UBR3: variants seen among roughly 807,000 people sequenced by gnomAD.
UBR3 encodes E3 ubiquitin-protein ligase UBR3.
In UBR3, 85 loss-of-function variants were observed where a neutral mutation model predicts 243.2. The ratio of observed to expected loss-of-function variants is 0.35; its 90% CI spans 0.29 to 0.42. UBR3 has a LOEUF of 0.42. Among genes scored for constraint, UBR3 ranks in the 10% least tolerant of loss-of-function variants. UBR3 has a pLI of 1.00. For synonymous variants in UBR3, 748 were observed against 799.8 expected, an observed-to-expected ratio of 0.94 and a Z score of 1.09; for missense variants, 1,686 against 2,300.8, an observed-to-expected ratio of 0.73 and a Z score of 5.47.
chr2:170,079,280 G>A (rs1406381162), intron 36 of UBR3, among the ~76,000 whole-genome samples: 2 of 152,052 alleles, frequency 1.3e-5, no homozygotes, highest in Non-Finnish European at 2.9e-5. Context: ...CAGCACTTAT[G>A]GATATAAAAG....
chr2:169,840,798 T>C (rs767025872), intron 1 of UBR3, among the ~76,000 whole-genome samples: 2 of 152,130 alleles, frequency 1.3e-5, no homozygotes, highest in Non-Finnish European at 2.9e-5. Context: ...ATGTGGACAC[T>C]GGGAAGGCTG....
At chr2:169,895,816 C>G (rs955398555) in intron 7 of UBR3, among the ~76,000 whole-genome samples, 3 of 152,030 alleles carry the variant, frequency 2.0e-5, no homozygotes, top group African/African-American at 7.2e-5. Context: ...GGGTCAGAAC[C>G]CACCTGTTAC....
intron 31 of UBR3, among the ~76,000 whole-genome samples, chr2:170,039,404 T>C (rs1184634797): frequency 6.6e-6 from 1 of 152,104 alleles, no homozygotes; most frequent in Non-Finnish European, 1.5e-5. Flanking sequence ...TTTTAGACCT[T>C]GGCCTTGCAG....
chr2:169,875,478 A>C (rs2083573693), intron 2 of UBR3, among the ~76,000 whole-genome samples: 1 of 152,008 alleles, frequency 6.6e-6, no homozygotes, highest in South Asian at 2.1e-4. Flanking sequence ...ACAGGCGCGC[A>C]CCACCACACT....
intron 9 of UBR3, 88 bp from the exon 10 acceptor site, chr2:169,905,943 G>A (rs1403908468): frequency 1.0e-5 from 14 of 1,398,108 alleles, no homozygotes; most frequent in Non-Finnish European, 3.8e-6. Flanking sequence ...GTGCATAAAT[G>A]TGTTTGGGAC....
intron 35 of UBR3, among the ~76,000 whole-genome samples, chr2:170,070,628 A>G (rs938282127): frequency 6.6e-6 from 1 of 152,174 alleles, no homozygotes; most frequent in Non-Finnish European, 1.5e-5. Flanking sequence ...AAGTTCAGCA[A>G]GGTTGTAGGA....
intron 1 of UBR3, among the ~76,000 whole-genome samples, chr2:169,844,695 C>G (rs2082409664): frequency 6.6e-6 from 1 of 152,018 alleles, no homozygotes; most frequent in Admixed American, 6.6e-5. Flanking sequence ...TGGCATTTCA[C>G]CATGTTGGCC....
intron 23 of UBR3, among the ~76,000 whole-genome samples, chr2:169,952,462 C>T (rs753144667): frequency 4.6e-5 from 7 of 152,002 alleles, no homozygotes; most frequent in Non-Finnish European, 7.4e-5. Context: ...GTTGGGAGGC[C>T]GAGGTGAGTG....
chr2:169,927,280 G>A lies in UBR3; in HGVS notation c.2339-40G>A. ...GTAAGTTTTTTTCTTTATAATTTAT[G>A]TATACTCAGATTTGTTAATTCCGTT... On this transcript the variant is annotated intron_variant, in intron 16 of 38. Coordinates refer to ENST00000272793, the MANE Select transcript of UBR3 (RefSeq NM_172070.4). 4.7e-6 allele frequency: 7 copies of A among 1,489,964 alleles called. No homozygotes were observed. The South Asian group carries it at 7.6e-5, about 16-fold the overall frequency. 92.3% of individuals were successfully genotyped at this position (1,489,964 alleles called of 1,614,324 possible).
chr2:169,836,649 ACC>A (rs917775698), intron 1 of UBR3, among the ~76,000 whole-genome samples: 8 of 151,718 alleles, frequency 5.3e-5, no homozygotes, highest in Admixed American at 6.6e-5. Context: ...AAAAAAAAAA[ACC>A]AAAAGACACT....
chr2:169,827,897 C>G lies in UBR3; in HGVS notation c.390C>G (p.Ala130=). The G allele has an allele frequency of 6.6e-7, 1 of 1,519,108 alleles. No individual in the cohort carries two copies. Among genetic ancestry groups the G allele is most frequent in the Non-Finnish European group, 8.8e-7 (1 of 1,136,900 alleles). The allele number at this position is 1,519,108 out of a possible 1,614,324, so 94.1% of individuals were successfully genotyped here. The change falls in exon 1 of 39, where the codon GCC becomes GCG. Residue 130 remains alanine, a synonymous_variant. Coordinates refer to ENST00000272793, the MANE Select transcript of UBR3 (RefSeq NM_172070.4). ...CGLVWTANFV[A]YRCRTCGISP... ...TGGTCTGGACAGCCAACTTCGTGGC[C>G]TACCGCTGCCGGACGTGCGGCATCT...
At chr2:169,882,948 G>T (rs1012057029) in intron 5 of UBR3, among the ~76,000 whole-genome samples, 2 of 152,124 alleles carry the variant, frequency 1.3e-5, no homozygotes, top group Non-Finnish European at 2.9e-5. Context: ...TCTAGTTAGT[G>T]GTAGAGTTGA....
intron 35 of UBR3, among the ~76,000 whole-genome samples, chr2:170,061,720 G>A (rs544641381): frequency 1.3e-5 from 2 of 151,976 alleles, no homozygotes; most frequent in East Asian, 1.9e-4. Flanking sequence ...TACCTGCCTC[G>A]GCCTCCCAAA....
chr2:170,056,040 G>T (rs1446470537), intron 33 of UBR3, among the ~76,000 whole-genome samples: 37 of 108,474 alleles, frequency 3.4e-4, no homozygotes, highest in Non-Finnish European at 5.2e-4. Flanking sequence ...CAGACTCTCT[G>T]TCTGTCACCT....
chr2:169,972,420 C>G (rs957814694), intron 24 of UBR3, among the ~76,000 whole-genome samples: 7 of 151,976 alleles, frequency 4.6e-5, no homozygotes, highest in Non-Finnish European at 8.8e-5. Context: ...TTTATGAGGC[C>G]AGCATCATTC....
chr2:169,901,556 ACTTT>A (rs1475760090), intron 8 of UBR3, among the ~76,000 whole-genome samples: 5 of 152,168 alleles, frequency 3.3e-5, no homozygotes, highest in Non-Finnish European at 5.9e-5. Flanking sequence ...GGATCTCTGT[ACTTT>A]CTTTTTATTT....
rs1559021179 is a variant in UBR3, at chr2:169,852,876, AAAC to A, written c.546-19357_546-19355del. 2.2e-3 allele frequency among the ~76,000 whole-genome samples: 175 copies of A among 80,186 alleles called. 12 individuals are homozygous for A. The highest frequency in any genetic ancestry group is 3.7e-3 in the Non-Finnish European group (102 of 27,632). 52.6% of individuals were successfully genotyped at this position (80,186 alleles called of 152,430 possible). A position where few individuals can be genotyped will look rare whatever the true frequency, so the allele number is the denominator to read the frequency against. On this transcript the variant is annotated intron_variant, in intron 1 of 38. Transcript: ENST00000272793. Reference sequence around the variant, plus strand: ...AAAAAAAAAAAAAAAAAAAAAAAAAAAACAAAACCAAACAAATTGAGTCCTTTA... The same window carrying A: ...AAAAAAAAAAAAAAAAAAAAAAAAAAAAAACCAAACAAATTGAGTCCTTTA...
At chr2:170,017,558 C>G (rs967159146) in intron 30 of UBR3, among the ~76,000 whole-genome samples, 107 of 137,844 alleles carry the variant, frequency 7.8e-4, no homozygotes, top group African/African-American at 3.1e-3. Flanking sequence ...CACACACACA[C>G]ACACACACAC....
chr2:169,884,879 A>G (rs1471856763), intron 5 of UBR3, among the ~76,000 whole-genome samples: 3 of 152,226 alleles, frequency 2.0e-5, no homozygotes, highest in Non-Finnish European at 4.4e-5. Flanking sequence ...AAATGCAATA[A>G]TTATTATAGA....
Sources: gnomAD v4.1 joint callset for allele counts (sites outside exome capture counted in the v4.1 genomes callset) on GRCh38, gnomAD v4.1.1 for gene constraint, MANE v1.5 for transcripts, NCBI Gene and HGNC (gene_info 2026-07-23, HGNC 2026-07-21) for gene names.